The following SH3RF3 variants were observed in gnomAD, a reference collection of about 807,000 sequenced individuals.
The protein encoded by SH3RF3 is SH3 domain containing ring finger 3.
SH3RF3 carries 29 observed loss-of-function variants against 66.3 expected under a neutral mutation model. That is an observed-to-expected ratio of 0.44 (90% CI 0.33 to 0.60). SH3RF3 has a LOEUF of 0.60. Ranked by LOEUF, SH3RF3 falls within the 20% of genes least tolerant of loss-of-function variation. SH3RF3 has a pLI of 0.04. For synonymous variants in SH3RF3, 583 were observed against 532.0 expected (o/e 1.10, Z -1.32); for missense variants, 1,194 against 1,190.9 (o/e 1.00, Z -0.04).
chr2:109,354,684 C>T (rs1682910806), intron 2 of SH3RF3, among the ~76,000 whole-genome samples: 1 of 152,250 alleles, frequency 6.6e-6, no homozygotes, highest in African/African-American at 2.4e-5. Context: ...CTCCGCCAGC[C>T]ACCTCCAGTG....
rs578142325 is a variant in SH3RF3 at position 109,275,179 on chromosome 2, A to T, written c.574-72495A>T. Among the ~76,000 whole-genome samples the T allele has an allele frequency of 2.0e-5, 3 of 152,304 alleles. No individual in the cohort carries two copies. The East Asian group carries it at 5.8e-4, about 29-fold the overall frequency. ...ACCTTTCATGAAGCTTTGCACAATC[A>T]TCATGAAATGTGGTTTCTCGTACTT... On this transcript the variant is annotated intron_variant, in intron 1 of 9. Coordinates refer to ENST00000309415, the MANE Select transcript of SH3RF3 (RefSeq NM_001099289.3).
chr2:109,163,459 C>A (rs113933329), intron 1 of SH3RF3, among the ~76,000 whole-genome samples: 10 of 125,312 alleles, frequency 8.0e-5, no homozygotes, highest in East Asian at 4.5e-4. Flanking sequence ...AGTGCAGTGG[C>A]GGGATCTCGG....
chr2:109,490,971 T>C (rs1039849039), intron 9 of SH3RF3, 35 bp downstream of exon 9: 1 of 1,420,972 alleles, frequency 7.0e-7, no homozygotes, highest in Non-Finnish European at 9.2e-7. Flanking sequence ...TGTGGCATGC[T>C]GTGGTTTGGC....
intron 8 of SH3RF3, among the ~76,000 whole-genome samples, chr2:109,470,250 T>C (rs1360682092): frequency 6.6e-6 from 1 of 152,110 alleles, no homozygotes; most frequent in Admixed American, 6.6e-5. Context: ...CATCAATAAG[T>C]GATGGGAGTT....
intron 8 of SH3RF3, among the ~76,000 whole-genome samples, chr2:109,466,591 C>T (rs567947869): frequency 8.5e-5 from 13 of 152,162 alleles, no homozygotes; most frequent in Admixed American, 8.5e-4. Context: ...TCATGGAGCC[C>T]AATTTATTAA....
At chr2:109,425,202 C>G (rs897685602) in intron 5 of SH3RF3, among the ~76,000 whole-genome samples, 6 of 152,126 alleles carry the variant, frequency 3.9e-5, no homozygotes, top group African/African-American at 1.4e-4. Context: ...GGTGAGGAAG[C>G]TAAAGGAGGA....
Position 109,425,453 on chromosome 2 carries a change from T to C in SH3RF3, c.1403+5811T>C, listed in dbSNP as rs551278697. Among the ~76,000 whole-genome samples, 9 of 152,282 alleles carry C rather than the reference T, an allele frequency of 5.9e-5. No homozygotes were observed. In the East Asian group the frequency reaches 1.5e-3, roughly 26 times the overall value. On this transcript the variant is annotated intron_variant, in intron 5 of 9. Transcript: ENST00000309415. ...GACTTTCATAGCTAGAGAGGAGATA[T>C]CAAGGCCTGGCTTCAAAGCTTTAAA...
intron 3 of SH3RF3, among the ~76,000 whole-genome samples, chr2:109,374,962 G>A (rs1683348744): frequency 6.6e-6 from 1 of 152,254 alleles, no homozygotes. Flanking sequence ...ACCAGGGCCT[G>A]CCAGTGGCAC....
chr2:109,323,537 G>A (rs1682078050), intron 1 of SH3RF3, among the ~76,000 whole-genome samples: 1 of 152,248 alleles, frequency 6.6e-6, no homozygotes, highest in African/African-American at 2.4e-5. Flanking sequence ...ATTGTAGGTA[G>A]TGGTAGATGG....
intron 1 of SH3RF3, among the ~76,000 whole-genome samples, chr2:109,147,155 G>A (rs1326517660): frequency 6.6e-6 from 1 of 152,130 alleles, no homozygotes; most frequent in African/African-American, 2.4e-5. Flanking sequence ...AAAAGACAGA[G>A]GTTGGCTGGC....
chr2:109,342,772 C>T (rs1206075611), intron 1 of SH3RF3, among the ~76,000 whole-genome samples: 1 of 152,190 alleles, frequency 6.6e-6, no homozygotes. Flanking sequence ...GTTGTGCCCA[C>T]GTGAGCGCCA....
At chr2:109,268,269 G>A (rs1212903949) in intron 1 of SH3RF3, among the ~76,000 whole-genome samples, 3 of 151,854 alleles carry the variant, frequency 2.0e-5, no homozygotes, top group African/African-American at 4.8e-5. Flanking sequence ...GAAGTGAGGT[G>A]CGGCCCCTTC....
At chr2:109,282,301 T>C (rs554042820) in intron 1 of SH3RF3, among the ~76,000 whole-genome samples, 2 of 126,676 alleles carry the variant, frequency 1.6e-5, no homozygotes, top group South Asian at 2.5e-4. Context: ...TAGTCTAACG[T>C]GTTCATAATT....
rs10177863 is a variant in SH3RF3 at position 109,336,493 on chromosome 2, G to A, written c.574-11181G>A. 2.0e-4 allele frequency among the ~76,000 whole-genome samples: 31 copies of A among 152,108 alleles called. 2 individuals are homozygous for A. In the Middle Eastern group the frequency reaches 0.014, roughly 67 times the overall value. On this transcript the variant is annotated intron_variant, in intron 1 of 9. Transcript: ENST00000309415. ...GTCCTGGTGTGCCCACGGCTAGCAC[G>A]TGCTGAGGACTCGCTGTGAGGCCCC... is the stretch of plus-strand genomic sequence containing the variant.
chr2:109,486,545 A>G (rs572878298), intron 8 of SH3RF3, among the ~76,000 whole-genome samples: 4 of 152,376 alleles, frequency 2.6e-5, no homozygotes, highest in Non-Finnish European at 4.4e-5. Context: ...CCAGATATTG[A>G]TGAGATGCAT....
intron 5 of SH3RF3, among the ~76,000 whole-genome samples, chr2:109,428,436 C>G (rs1273979380): frequency 1.3e-5 from 2 of 152,228 alleles, no homozygotes; most frequent in African/African-American, 4.8e-5. Flanking sequence ...CAGACACATG[C>G]CATGCCCAGC....
chr2:109,464,306 A>C (rs541165599), intron 8 of SH3RF3, among the ~76,000 whole-genome samples: 5 of 152,224 alleles, frequency 3.3e-5, no homozygotes, highest in Non-Finnish European at 7.3e-5. Context: ...ATACACATGT[A>C]CAACATGAAC....
Position 109,129,393 on chromosome 2 carries a change from C to T in SH3RF3, c.-148C>T, listed in dbSNP as rs776199748. On this transcript the variant is annotated 5_prime_UTR_variant, in exon 1 of 10. Transcript: ENST00000309415. The stretch of plus-strand genomic sequence containing the variant: ...CGGTCGGTGAGCCACTTCGCACCGC[C>T]ACAGCCCTAGCATCGGGCCACCAGC... 1.5e-4 allele frequency: 204 copies of T among 1,355,682 alleles called. No homozygotes were observed. Among genetic ancestry groups the T allele is most frequent in the Admixed American group, 4.3e-4 (20 of 46,944 alleles). The allele number at this position is 1,355,682 out of a possible 1,614,324, so 84.0% of individuals were successfully genotyped here.
intron 1 of SH3RF3, among the ~76,000 whole-genome samples, chr2:109,332,358 C>T (rs539593422): frequency 5.8e-4 from 88 of 152,240 alleles, no homozygotes; most frequent in African/African-American, 2.0e-3. Flanking sequence ...GCTGCACTTG[C>T]TCCTTCCTTC....
Sources: gnomAD v4.1 joint callset for allele counts (sites outside exome capture counted in the v4.1 genomes callset) on GRCh38, gnomAD v4.1.1 for gene constraint, MANE v1.5 for transcripts, NCBI Gene and HGNC (gene_info 2026-07-23, HGNC 2026-07-21) for gene names.